The following MYBPC1 variants were observed in gnomAD, a reference collection of about 807,000 sequenced individuals.
The protein encoded by MYBPC1 is myosin-binding protein C, slow-type.
In MYBPC1, 52 loss-of-function variants were observed where a neutral mutation model predicts 147.1. The ratio of observed to expected loss-of-function variants is 0.35; its 90% CI spans 0.28 to 0.45. The LOEUF (loss-of-function observed/expected upper bound fraction) is 0.45, where lower values mean the gene tolerates loss of function less well. MYBPC1 is among the 20% of genes least tolerant of loss of function. The probability of loss-of-function intolerance (pLI) is 1.00; values close to 1 mark genes in which losing one functional copy is unlikely to be tolerated. For missense variants in MYBPC1, 1,228 were observed against 1,440.3 expected (o/e 0.85, Z 2.39); for synonymous variants, 477 against 475.9 (o/e 1.00, Z -0.03).
rs75899812 is a variant in MYBPC1 at position 101,617,485 on chromosome 12, C to T, written c.103+242C>T. On this transcript the variant is annotated intron_variant, in intron 3 of 31. Coordinates refer to ENST00000361466, the MANE Select transcript of MYBPC1 (RefSeq NM_002465.4). Reference sequence around the variant, plus strand: ...AATATCACAAGCACTTGTTGAGATGCCAGCAAATTAATTGGTAGTTTCCAA... The same window carrying T: ...AATATCACAAGCACTTGTTGAGATGTCAGCAAATTAATTGGTAGTTTCCAA... Among the ~76,000 whole-genome samples the T allele has an allele frequency of 9.6e-3, 1,461 of 152,198 alleles. 12 individuals are homozygous for T. Among genetic ancestry groups the T allele is most frequent in the Non-Finnish European group, 0.015 (1,037 of 68,012 alleles).
intron 22 of MYBPC1, 127 bp from the exon 23 acceptor site, chr12:101,667,605 C>T (rs1231720436): frequency 6.1e-6 from 7 of 1,141,484 alleles, no homozygotes; most frequent in African/African-American, 4.6e-5. Flanking sequence ...AGACCAAAGT[C>T]ATAATGTCTC....
intron 10 of MYBPC1, among the ~76,000 whole-genome samples, chr12:101,638,750 C>G (rs372720099): frequency 3.2e-4 from 49 of 152,234 alleles, no homozygotes; most frequent in African/African-American, 1.1e-3. Flanking sequence ...ATTACATAGT[C>G]AAAATGACAA....
chr12:101,652,861 T>C (rs1894773044), intron 17 of MYBPC1, 77 bp downstream of exon 17: 4 of 1,304,550 alleles, frequency 3.1e-6, no homozygotes, highest in Non-Finnish European at 4.4e-6. Flanking sequence ...TTATAATATA[T>C]TCAAAACTAA....
chr12:101,672,839 A>T (rs1279774306), intron 24 of MYBPC1, among the ~76,000 whole-genome samples: 1 of 151,958 alleles, frequency 6.6e-6, no homozygotes, highest in African/African-American at 2.4e-5. Flanking sequence ...CAAGAGCCAA[A>T]CTCTGTCAAA....
chr12:101,642,353 C>T, intron 10 of MYBPC1, 66 bp from the exon 11 acceptor site: 5 of 1,547,266 alleles, frequency 3.2e-6, no homozygotes, highest in Non-Finnish European at 4.5e-6. Context: ...AGAATTATAC[C>T]TCGACCTTCG....
intron 29 of MYBPC1, among the ~76,000 whole-genome samples, chr12:101,681,305 G>C (rs1245832830): frequency 6.6e-6 from 1 of 151,704 alleles, no homozygotes; most frequent in Non-Finnish European, 1.5e-5. Flanking sequence ...TCACCATTAT[G>C]AGATAATAGG....
intron 28 of MYBPC1, 85 bp from the exon 29 acceptor site, chr12:101,680,258 A>T: frequency 1.5e-6 from 2 of 1,338,068 alleles, no homozygotes; most frequent in South Asian, 1.2e-5. Context: ...GCCATGCTTT[A>T]AAATTCTGTC....
At chr12:101,678,335 T>G (rs1900493235) in intron 28 of MYBPC1, 97 bp downstream of exon 28, 3 of 1,529,202 alleles carry the variant, frequency 2.0e-6, no homozygotes, top group Admixed American at 1.7e-5. Context: ...CTGCTACTTG[T>G]GTCTTCCCAG....
At chr12:101,600,340 TAG>T (rs1052516876) in intron 1 of MYBPC1, 2 of 152,040 alleles carry the variant, frequency 1.3e-5, no homozygotes, top group Middle Eastern at 3.4e-3. Flanking sequence ...ACACAATTCA[TAG>T]AGTTTCCTTT....
chr12:101,603,758 A>G (rs2135602137), intron 1 of MYBPC1, among the ~76,000 whole-genome samples: 1 of 152,278 alleles, frequency 6.6e-6, no homozygotes, highest in South Asian at 2.1e-4. Flanking sequence ...CCCAAGCAAC[A>G]TGGTGAAACA....
intron 2 of MYBPC1, 188 bp downstream of exon 2, chr12:101,614,719 T>TG: frequency 1.6e-6 from 1 of 640,494 alleles, no homozygotes; most frequent in Non-Finnish European, 2.8e-6. Context: ...ATAATCCTCT[T>TG]GTGTTAATCT....
rs746743239 is a variant in MYBPC1 at position 101,673,616 on chromosome 12, A to G, written c.2803A>G (p.Ile935Val). 1.9e-6 allele frequency: 3 copies of G among 1,614,030 alleles called. No homozygotes were observed. The highest frequency in any genetic ancestry group is 2.2e-5 in the South Asian group (2 of 91,088). ...FVETASIDIQ[I>V]IDRPGPPQIV... Reference sequence around the variant, plus strand: ...GGAGACCGCATCAATTGACATCCAGATCATTGGTAGGTTTAGATGAAGGAG... The same window carrying G: ...GGAGACCGCATCAATTGACATCCAGGTCATTGGTAGGTTTAGATGAAGGAG... Residue 935 changes from isoleucine (I) to valine (V), a missense_variant, in exon 25 of 32, where the codon ATC becomes GTC. Around this residue, in one of 2 missense-constraint regions of MYBPC1, gnomAD observed 1,077 missense variants for 1,314.2 expected, o/e 0.82. Coordinates refer to ENST00000361466, the MANE Select transcript of MYBPC1 (RefSeq NM_002465.4).
chr12:101,651,511 C>G, intron 16 of MYBPC1, 118 bp downstream of exon 16: 1 of 1,365,988 alleles, frequency 7.3e-7, no homozygotes, highest in East Asian at 2.3e-5. Context: ...TCATCTATTC[C>G]TGATTCTTCG....
Position 101,685,827 on chromosome 12 carries a change from A to AG in MYBPC1, c.*266dup, listed in dbSNP as rs886048838. 42 of 611,122 alleles carry AG rather than the reference A, an allele frequency of 6.9e-5. No individual in the cohort carries two copies. The East Asian group carries it at 1.3e-3, about 18-fold the overall frequency. 37.9% of individuals were successfully genotyped at this position (611,122 alleles called of 1,614,324 possible). A position where few individuals can be genotyped will look rare whatever the true frequency, so the allele number is the denominator to read the frequency against. Reference sequence around the variant, plus strand: ...TGTTGAAGAGAAAAAAAAAAAAAAAAGTTTGCCCAGATTGCTTAATTAAAA... The same window carrying AG: ...TGTTGAAGAGAAAAAAAAAAAAAAAAGGTTTGCCCAGATTGCTTAATTAAAA... On this transcript the variant is annotated 3_prime_UTR_variant, in exon 32 of 32. Coordinates refer to ENST00000361466, the MANE Select transcript of MYBPC1 (RefSeq NM_002465.4).
chr12:101,687,277 A>T (rs59625998), downstream of MYBPC1, among the ~76,000 whole-genome samples: 19,891 of 151,736 alleles, frequency 0.13, 2,853 homozygotes, highest in African/African-American at 0.36. Context: ...CCTGTGTCCA[A>T]GTGTTCTCAT....
chr12:101,648,020 C>A, intron 13 of MYBPC1, 25 bp from the exon 14 acceptor site: 1 of 1,560,830 alleles, frequency 6.4e-7, no homozygotes, highest in South Asian at 1.1e-5. Flanking sequence ...TTTAATGATT[C>A]TGATTTCCCC....
intron 29 of MYBPC1, 89 bp from the exon 30 acceptor site, chr12:101,682,515 G>A: frequency 1.7e-6 from 2 of 1,207,884 alleles, no homozygotes; most frequent in Non-Finnish European, 2.4e-6. Context: ...TCTGATAATA[G>A]GTAACTTGAA....
rs2136417201 is a variant in MYBPC1 at position 101,659,789 on chromosome 12, G to A, written c.1885G>A (p.Glu629Lys). ...SGVYHINLKN[E>K]AGEAHASIKV... ...TGTTTACCACATCAATCTGAAAAAC[G>A]AAGCTGGAGAGGCACATGCAAGCAT... Residue 629 changes from glutamate to lysine, a missense_variant, in exon 19 of 32, where the codon GAA becomes AAA. Physicochemically the swap from Glu to Lys is moderately conservative, Grantham distance 56. This residue lies in a region of MYBPC1 where 1,077 missense variants were observed against 1,314.2 expected (regional missense o/e 0.82). Transcript: ENST00000361466. The A allele has an allele frequency of 1.9e-6, 3 of 1,614,134 alleles. No homozygotes were observed. Among genetic ancestry groups the A allele is most frequent in the Non-Finnish European group, 1.7e-6 (2 of 1,179,990 alleles).
At position 101,685,671 on chromosome 12, in the gene MYBPC1, G is replaced by A. The variant is rs1951311648; in HGVS notation, c.*109G>A. The A allele has an allele frequency of 2.0e-6, 3 of 1,517,330 alleles. No homozygotes were observed. The highest frequency in any genetic ancestry group is 1.8e-6 in the Non-Finnish European group (2 of 1,130,320). 94.0% of individuals were successfully genotyped at this position (1,517,330 alleles called of 1,614,324 possible). On this transcript the variant is annotated 3_prime_UTR_variant, in exon 32 of 32. Transcript: ENST00000361466. Reference sequence around the variant, plus strand: ...GCGAGACTTACACTCAAGCAATCCTGAGGAATACTGAGGGAGGGCCTGGCT... The same window carrying A: ...GCGAGACTTACACTCAAGCAATCCTAAGGAATACTGAGGGAGGGCCTGGCT...
Sources: gnomAD v4.1 joint callset for allele counts (sites outside exome capture counted in the v4.1 genomes callset) on GRCh38, gnomAD v4.1.1 for gene constraint, gnomAD v4.1.1 regional missense constraint, MANE v1.5 for transcripts, NCBI Gene and HGNC (gene_info 2026-07-23, HGNC 2026-07-21) for gene names.